Variants in CCDC18 observed in about 807,000 individuals in gnomAD.
The protein encoded by CCDC18 is coiled-coil domain containing 18, also known as coiled-coil domain-containing protein 18.
CCDC18 carries 157 observed loss-of-function variants against 196.0 expected under a neutral mutation model. The ratio of observed to expected loss-of-function variants is 0.80; its 90% CI spans 0.70 to 0.91. The LOEUF is 0.91. Ranked by LOEUF, CCDC18 falls within the 40% of genes least tolerant of loss-of-function variation. CCDC18 has a pLI of 0.00. For missense variants in CCDC18, 1,465 were observed against 1,611.6 expected (o/e 0.91, Z 1.56); for synonymous variants, 482 against 529.2 (o/e 0.91, Z 1.22).
At chr1:93,222,777 G>A (rs909223524) in intron 16 of CCDC18, among the ~76,000 whole-genome samples, 7 of 152,170 alleles carry the variant, frequency 4.6e-5, no homozygotes, top group African/African-American at 1.7e-4. Flanking sequence ...TGAGTTGCCC[G>A]AAGTTTTGTA....
At chr1:93,255,555 G>A (rs563849071) in intron 24 of CCDC18, among the ~76,000 whole-genome samples, 2 of 152,156 alleles carry the variant, frequency 1.3e-5, no homozygotes, top group African/African-American at 2.4e-5. Flanking sequence ...TCGTAGCAGT[G>A]GGACCCCTGT....
chr1:93,200,217 C>A (rs1221456080), intron 6 of CCDC18, among the ~76,000 whole-genome samples: 2 of 152,038 alleles, frequency 1.3e-5, no homozygotes, highest in Non-Finnish European at 2.9e-5. Flanking sequence ...TCAAGCAATC[C>A]TCCTGGCTCA....
chr1:93,222,417 A>C (rs1299872995), intron 16 of CCDC18, among the ~76,000 whole-genome samples: 1 of 151,150 alleles, frequency 6.6e-6, no homozygotes, highest in African/African-American at 2.4e-5. Flanking sequence ...TAACATTACC[A>C]AAAAAAAAGA....
chr1:93,228,758 AC>A (rs1415797029), intron 17 of CCDC18, among the ~76,000 whole-genome samples: 1 of 151,418 alleles, frequency 6.6e-6, no homozygotes, highest in Non-Finnish European at 1.5e-5. Flanking sequence ...GCCCATACCC[AC>A]ACTCCGCTTC....
rs1322167205 is a variant in CCDC18, at chr1:93,270,619, T to C, written c.4158T>C (p.Pro1386=). ...TAAAGAAAATGCAATTAGAACAGCCTTCAACATTAGAAGAAAGCCATAAGA... is the reference window on the plus strand; with the variant it reads ...TAAAGAAAATGCAATTAGAACAGCCCTCAACATTAGAAGAAAGCCATAAGA... ...QDLKKMQLEQ[P]STLEESHKNL... is the part of the protein sequence containing the mutation. The change falls in exon 28 of 29, where the codon CCT becomes CCC. Residue 1386 remains proline, a synonymous_variant. Coordinates refer to ENST00000690025, the MANE Select transcript of CCDC18 (RefSeq NM_001378204.1). 5 of 1,550,292 alleles carry C rather than the reference T, an allele frequency of 3.2e-6. No individual in the cohort carries two copies. Among genetic ancestry groups the C allele is most frequent in the Non-Finnish European group, 2.6e-6 (3 of 1,146,910 alleles).
chr1:93,248,707 G>A (rs1661821625), intron 23 of CCDC18, among the ~76,000 whole-genome samples: 1 of 152,134 alleles, frequency 6.6e-6, no homozygotes, highest in Non-Finnish European at 1.5e-5. Context: ...CAGGCACGGT[G>A]GTGCGTGCCT....
chr1:93,236,089 A>C (rs1405715113), intron 18 of CCDC18, among the ~76,000 whole-genome samples, 159 bp from the exon 19 acceptor site: 1 of 152,220 alleles, frequency 6.6e-6, no homozygotes, highest in African/African-American at 2.4e-5. Flanking sequence ...TATCTTTATT[A>C]TTAGAAAGTA....
At chr1:93,193,111 T>C (rs965253848) in intron 5 of CCDC18, among the ~76,000 whole-genome samples, 1 of 152,194 alleles carries the variant, frequency 6.6e-6, no homozygotes, top group Admixed American at 6.5e-5. Context: ...TTACCGACTT[T>C]TGTATAATAT....
intron 12 of CCDC18, 116 bp from the exon 13 acceptor site, chr1:93,216,520 C>T: frequency 4.0e-6 from 2 of 502,230 alleles, no homozygotes; most frequent in Admixed American, 4.3e-5. Context: ...TAAGTTTGCC[C>T]AATTTACCTA....
chr1:93,180,197 C>A, upstream of CCDC18: 1 of 1,613,250 alleles, frequency 6.2e-7, no homozygotes, highest in South Asian at 1.1e-5. Context: ...GGAGGCAGAG[C>A]GGCCAGAAGG....
At chr1:93,205,198 CT>C (rs1654527832) in intron 7 of CCDC18, among the ~76,000 whole-genome samples, 1 of 152,122 alleles carries the variant, frequency 6.6e-6, no homozygotes, top group South Asian at 2.1e-4. Flanking sequence ...AGTAACTTCT[CT>C]GGAATATTTG....
At chr1:93,227,227 C>T (rs1461524196) in intron 17 of CCDC18, among the ~76,000 whole-genome samples, 3 of 139,808 alleles carry the variant, frequency 2.1e-5, no homozygotes, top group Admixed American at 7.6e-5. Flanking sequence ...CGCCCAGGCT[C>T]GGCTCACTGC....
intron 6 of CCDC18, chr1:93,199,878 T>C (rs1653511862): frequency 6.5e-6 from 1 of 152,804 alleles, no homozygotes; most frequent in Non-Finnish European, 1.5e-5. Context: ...CAAGGGGGAC[T>C]TGCAGGTGCC....
In CCDC18 at chr1:93,192,123, T is replaced by G. The variant is rs376832580; in HGVS notation, c.569+17T>G. ...AGTTTTGAGGTAAATATACTTTTTA[T>G]AGCTCTCAAAGTTTTATTTTCTACT... On this transcript the variant is annotated intron_variant, in intron 5 of 28. Transcript: ENST00000690025. 121 of 1,486,860 alleles carry G rather than the reference T, an allele frequency of 8.1e-5. No homozygotes were observed. Among genetic ancestry groups the G allele is most frequent in the Non-Finnish European group, 1.1e-4 (118 of 1,067,872 alleles). The allele number at this position is 1,486,860 out of a possible 1,614,324, so 92.1% of individuals were successfully genotyped here. A position where few individuals can be genotyped will look rare whatever the true frequency, so the allele number is the denominator to read the frequency against.
chr1:93,191,871 G>A (rs1204501788), intron 4 of CCDC18, 129 bp from the exon 5 acceptor site: 1 of 606,762 alleles, frequency 1.6e-6, no homozygotes, highest in African/African-American at 1.9e-5. Flanking sequence ...GGAATAGATG[G>A]GAAGCTTTAT....
In CCDC18 at chr1:93,180,751, G is replaced by C; in HGVS notation, c.-104G>C. On this transcript the variant is annotated 5_prime_UTR_variant, in exon 1 of 29. Transcript: ENST00000690025. ...TTCGAATTCTGTGCTGCCGGGGTTCGCTGGTTCTCCGAGTTGTGTCCGAGG... is the reference window on the plus strand; with the variant it reads ...TTCGAATTCTGTGCTGCCGGGGTTCCCTGGTTCTCCGAGTTGTGTCCGAGG... 7.3e-7 allele frequency: 1 copy of C among 1,366,890 alleles called. No homozygotes were observed. Among genetic ancestry groups the C allele is most frequent in the Non-Finnish European group, 9.8e-7 (1 of 1,021,516 alleles). The allele number at this position is 1,366,890 out of a possible 1,614,324, so 84.7% of individuals were successfully genotyped here.
intron 16 of CCDC18, 51 bp downstream of exon 16, chr1:93,221,987 A>G: frequency 8.7e-7 from 1 of 1,146,464 alleles, no homozygotes; most frequent in Non-Finnish European, 1.2e-6. Flanking sequence ...TTTTTTTTTA[A>G]CAGACAGAAT....
intron 18 of CCDC18, among the ~76,000 whole-genome samples, chr1:93,235,094 G>C (rs951283538): frequency 3.3e-5 from 5 of 151,400 alleles, no homozygotes; most frequent in Admixed American, 1.3e-4. Flanking sequence ...CAAAGTGCTG[G>C]GATTATAGGT....
At chr1:93,242,308 A>T (rs868460977) in intron 21 of CCDC18, among the ~76,000 whole-genome samples, 1 of 146,326 alleles carries the variant, frequency 6.8e-6, no homozygotes, top group Non-Finnish European at 1.5e-5. Flanking sequence ...AAGGTGAAAG[A>T]CACATCTCAT....
Sources: gnomAD v4.1 joint callset for allele counts (sites outside exome capture counted in the v4.1 genomes callset) on GRCh38, gnomAD v4.1.1 for gene constraint, MANE v1.5 for transcripts, NCBI Gene and HGNC (gene_info 2026-07-23, HGNC 2026-07-21) for gene names.